The following LRMDA variants were observed in gnomAD, a reference collection of about 807,000 sequenced individuals.
LRMDA encodes the protein leucine-rich melanocyte differentiation-associated protein.
Under a neutral mutation model 29.8 loss-of-function variants are expected in LRMDA, and 18 were observed. That is an observed-to-expected ratio of 0.60 (90% confidence interval 0.42 to 0.90). LRMDA has a LOEUF of 0.90. Ranked by LOEUF, LRMDA falls within the 40% of genes least tolerant of loss-of-function variation. The probability of loss-of-function intolerance (pLI) is 0.00; values close to 1 mark genes in which losing one functional copy is unlikely to be tolerated. For missense variants in LRMDA, 273 were observed against 273.9 expected (o/e 1.00, Z 0.02); for synonymous variants, 125 against 109.4 (o/e 1.14, Z -0.89).
At chr10:76,502,534 C>T (rs1478574656) in intron 6 of LRMDA, among the ~76,000 whole-genome samples, 1 of 151,770 alleles carries the variant, frequency 6.6e-6, no homozygotes. Flanking sequence ...TGATTTCTTT[C>T]AACAGTGTTT....
intron 2 of LRMDA, among the ~76,000 whole-genome samples, chr10:76,015,753 A>G (rs1306807989): frequency 6.6e-6 from 1 of 152,218 alleles, no homozygotes; most frequent in Non-Finnish European, 1.5e-5. Context: ...TCATTTAATA[A>G]TGAGGTACCC....
At chr10:75,747,671 A>G (rs1171993460) in intron 2 of LRMDA, among the ~76,000 whole-genome samples, 1 of 152,200 alleles carries the variant, frequency 6.6e-6, no homozygotes, top group Non-Finnish European at 1.5e-5. Flanking sequence ...ATGATCAGAT[A>G]TTTTAGGGTC....
intron 2 of LRMDA, among the ~76,000 whole-genome samples, chr10:75,462,077 G>A (rs1056860590): frequency 3.3e-5 from 5 of 152,266 alleles, no homozygotes; most frequent in Non-Finnish European, 5.9e-5. Context: ...CTGTCAGAAT[G>A]AGATGTTAGG....
chr10:76,495,244 C>T (rs1175197765), intron 6 of LRMDA, among the ~76,000 whole-genome samples: 1 of 73,190 alleles, frequency 1.4e-5, no homozygotes, highest in Non-Finnish European at 4.4e-5. Context: ...GAATGTCCAG[C>T]TGCCCATCAT....
Position 76,532,258 on chromosome 10 carries a change from T to C in LRMDA, c.602-24951T>C, listed in dbSNP as rs577105971. On this transcript the variant is annotated intron_variant, in intron 6 of 6. Coordinates refer to ENST00000611255, the MANE Select transcript of LRMDA (RefSeq NM_001305581.2). ...GTTCTCATTATTCAACTTCCACTTATGAGTGAGAACATGCACAAACCTCTA... is the reference window on the plus strand; with the variant it reads ...GTTCTCATTATTCAACTTCCACTTACGAGTGAGAACATGCACAAACCTCTA... 1.4e-4 allele frequency among the ~76,000 whole-genome samples: 21 copies of C among 152,304 alleles called. No individual in the cohort carries two copies. The East Asian group carries it at 3.3e-3, about 24-fold the overall frequency.
chr10:76,434,987 T>G (rs1842230638), intron 6 of LRMDA, among the ~76,000 whole-genome samples: 1 of 152,292 alleles, frequency 6.6e-6, no homozygotes, highest in South Asian at 2.1e-4. Context: ...TTCTTATTCT[T>G]AAGTTTCTCA....
chr10:76,349,070 G>A (rs1377753170), intron 6 of LRMDA, among the ~76,000 whole-genome samples: 1 of 152,200 alleles, frequency 6.6e-6, no homozygotes. Context: ...TTTCTGGCAT[G>A]AGTGTCTTTG....
intron 2 of LRMDA, among the ~76,000 whole-genome samples, chr10:75,989,827 T>C (rs997408659): frequency 1.3e-5 from 2 of 152,176 alleles, no homozygotes; most frequent in African/African-American, 2.4e-5. Context: ...CTGTTTATCT[T>C]TGATATCTGA....
intron 5 of LRMDA, among the ~76,000 whole-genome samples, chr10:76,074,489 T>C (rs1006812184): frequency 2.6e-5 from 4 of 152,166 alleles, no homozygotes. Flanking sequence ...ATGCATTTAT[T>C]GGGAAGACAA....
intron 6 of LRMDA, among the ~76,000 whole-genome samples, chr10:76,459,490 C>G (rs1306625713): frequency 1.3e-5 from 2 of 152,148 alleles, no homozygotes; most frequent in Admixed American, 6.5e-5. Flanking sequence ...TTGTATTGCT[C>G]TGCCCCAAAA....
chr10:76,519,632 T>G (rs1451016576), intron 6 of LRMDA, among the ~76,000 whole-genome samples: 2 of 152,198 alleles, frequency 1.3e-5, no homozygotes, highest in Non-Finnish European at 2.9e-5. Flanking sequence ...CTGTACTAAT[T>G]GAAACTTCTA....
chr10:75,722,925 T>C (rs1450822124), intron 2 of LRMDA, among the ~76,000 whole-genome samples: 1 of 152,226 alleles, frequency 6.6e-6, no homozygotes, highest in Non-Finnish European at 1.5e-5. Flanking sequence ...TTTGGTCATA[T>C]AAATACCTGT....
At chr10:76,513,322 T>G (rs2132353797) in intron 6 of LRMDA, among the ~76,000 whole-genome samples, 1 of 152,340 alleles carries the variant, frequency 6.6e-6, no homozygotes, top group Non-Finnish European at 1.5e-5. Flanking sequence ...CTTTTCAATT[T>G]TTATTATATA....
chr10:76,331,764 T>C (rs2132407911), intron 6 of LRMDA, among the ~76,000 whole-genome samples: 1 of 152,354 alleles, frequency 6.6e-6, no homozygotes, highest in African/African-American at 2.4e-5. Flanking sequence ...GATGACATTT[T>C]CAACAGAACC....
chr10:75,939,624 G>C (rs1264867831), intron 2 of LRMDA, among the ~76,000 whole-genome samples: 7 of 152,162 alleles, frequency 4.6e-5, no homozygotes, highest in Non-Finnish European at 2.9e-5. Context: ...ATAAAACCTA[G>C]AGAGGTCACA....
chr10:75,994,644 G>A (rs891659656), intron 2 of LRMDA, among the ~76,000 whole-genome samples: 2 of 152,192 alleles, frequency 1.3e-5, no homozygotes, highest in Non-Finnish European at 2.9e-5. Context: ...GAAAGACCAA[G>A]TCGTTGATGT....
At chr10:75,538,727 C>T (rs1839982305) in intron 2 of LRMDA, among the ~76,000 whole-genome samples, 1 of 152,132 alleles carries the variant, frequency 6.6e-6, no homozygotes, top group African/African-American at 2.4e-5. Context: ...TTTCAACAAG[C>T]AAGTATTAGG....
At chr10:75,893,955 A>C (rs887398447) in intron 2 of LRMDA, among the ~76,000 whole-genome samples, 2 of 151,986 alleles carry the variant, frequency 1.3e-5, no homozygotes, top group East Asian at 3.8e-4. Context: ...ACAAAAAAAA[A>C]AGAAAGAAAA....
chr10:75,556,390 T>C (rs1006045881), intron 2 of LRMDA, among the ~76,000 whole-genome samples: 1 of 152,176 alleles, frequency 6.6e-6, no homozygotes, highest in Non-Finnish European at 1.5e-5. Flanking sequence ...ACTCTGTGAA[T>C]CTAGAATTCT....
Sources: allele counts gnomAD v4.1 joint callset (sites outside exome capture counted in the v4.1 genomes callset), GRCh38; gene constraint gnomAD v4.1.1; transcripts MANE v1.5; gene names NCBI Gene and HGNC (gene_info 2026-07-23, HGNC 2026-07-21).